Variants in INSYN2B observed in about 807,000 individuals in gnomAD.
INSYN2B encodes the protein protein INSYN2B.
Under a neutral mutation model 41.2 loss-of-function variants are expected in INSYN2B, and 16 were observed. The observed-to-expected ratio is 0.39, with a 90% CI of 0.26 to 0.59. The LOEUF (loss-of-function observed/expected upper bound fraction) is 0.59, where lower values mean the gene tolerates loss of function less well. INSYN2B is among the 20% of genes least tolerant of loss of function. The pLI, the probability that INSYN2B is intolerant of heterozygous loss-of-function variation, is 0.57. For synonymous variants in INSYN2B, 245 were observed against 244.4 expected (o/e 1.00, Z -0.02); for missense variants, 608 against 646.4 (o/e 0.94, Z 0.64).
chr5:169,903,791 G>A (rs991782027), intron 1 of INSYN2B, among the ~76,000 whole-genome samples: 3 of 152,092 alleles, frequency 2.0e-5, no homozygotes, highest in Non-Finnish European at 2.9e-5. Context: ...AGCAGTGGAA[G>A]CCTCCAGTGG....
intron 1 of INSYN2B, among the ~76,000 whole-genome samples, chr5:169,957,128 G>A (rs529634030): frequency 6.6e-6 from 1 of 152,228 alleles, no homozygotes; most frequent in East Asian, 1.9e-4. Context: ...AGTGCCATGA[G>A]GGCAGGGACT....
At chr5:169,900,011 A>C (rs774368229) in intron 1 of INSYN2B, among the ~76,000 whole-genome samples, 1 of 152,146 alleles carries the variant, frequency 6.6e-6, no homozygotes, top group African/African-American at 2.4e-5. Context: ...GGTCTCCAGC[A>C]CTCGAAACCA....
intron 1 of INSYN2B, among the ~76,000 whole-genome samples, chr5:169,926,224 C>A (rs1023443154): frequency 2.0e-5 from 3 of 152,114 alleles, no homozygotes; most frequent in African/African-American, 4.8e-5. Context: ...ACTTGGGGAC[C>A]ACGGGGAAGC....
chr5:169,871,891 G>C (rs748093116), intron 3 of INSYN2B, among the ~76,000 whole-genome samples: 1 of 152,156 alleles, frequency 6.6e-6, no homozygotes, highest in Non-Finnish European at 1.5e-5. Context: ...CCCAAAAAAG[G>C]TGCTCTCCTT....
intron 3 of INSYN2B, among the ~76,000 whole-genome samples, chr5:169,868,477 G>A (rs1771734970): frequency 6.6e-6 from 1 of 152,164 alleles, no homozygotes; most frequent in Non-Finnish European, 1.5e-5. Context: ...AATAAAAATA[G>A]GCTGGGCGCA....
At chr5:169,964,378 G>A (rs145597805) in intron 1 of INSYN2B, among the ~76,000 whole-genome samples, 4,065 of 152,250 alleles carry the variant, frequency 0.027, 181 homozygotes, top group African/African-American at 0.092. Context: ...CTGTCATTGG[G>A]AAGACTGGCA....
At chr5:169,865,232 A>G (rs1007370265) in intron 3 of INSYN2B, among the ~76,000 whole-genome samples, 2 of 152,220 alleles carry the variant, frequency 1.3e-5, no homozygotes, top group East Asian at 1.9e-4. Flanking sequence ...TGTCATTAAC[A>G]TACGGACTGC....
Position 169,884,652 on chromosome 5 carries a change from G to A in INSYN2B, c.-754C>T, listed in dbSNP as rs1158070863. The A allele has an allele frequency of 1.3e-5, 2 of 152,302 alleles. No individual in the cohort carries two copies. Among genetic ancestry groups the A allele is most frequent in the Non-Finnish European group, 2.9e-5 (2 of 68,054 alleles). 9.4% of individuals were successfully genotyped at this position (152,302 alleles called of 1,614,324 possible). On this transcript the variant is annotated 5_prime_UTR_variant, in exon 2 of 4. Coordinates refer to ENST00000377365, the MANE Select transcript of INSYN2B (RefSeq NM_001129891.3). ...CCAGGACAGGATTGAGGAATCACAG[G>A]GGATTCAGTGGGCAGAGTCCCTGTT...
At chr5:169,920,178 C>G (rs1397755615) in intron 1 of INSYN2B, among the ~76,000 whole-genome samples, 1 of 152,108 alleles carries the variant, frequency 6.6e-6, no homozygotes, top group African/African-American at 2.4e-5. Flanking sequence ...AGGTTCAAAC[C>G]CAGGCAGTCC....
intron 1 of INSYN2B, among the ~76,000 whole-genome samples, chr5:169,973,190 C>A (rs74891927): frequency 0.018 from 2,773 of 152,286 alleles, 83 homozygotes; most frequent in African/African-American, 0.061. Flanking sequence ...ATTTATCTGC[C>A]TGCCCCCTCC....
chr5:169,978,702 G>A (rs919426182), intron 1 of INSYN2B, among the ~76,000 whole-genome samples: 2 of 151,930 alleles, frequency 1.3e-5, no homozygotes, highest in East Asian at 1.9e-4. Context: ...CCTACGTCCC[G>A]AAGGGCTGAA....
intron 1 of INSYN2B, among the ~76,000 whole-genome samples, chr5:169,903,116 G>A (rs1016639840): frequency 4.0e-5 from 6 of 151,462 alleles, no homozygotes; most frequent in East Asian, 3.9e-4. Flanking sequence ...AGAAAGAAAG[G>A]GGTGAATTTC....
intron 1 of INSYN2B, among the ~76,000 whole-genome samples, chr5:169,963,030 G>A (rs1347540924): frequency 6.6e-6 from 1 of 152,138 alleles, no homozygotes. Context: ...CTTAAGTGGG[G>A]CTTTGGGACT....
chr5:169,882,731 G>A lies in INSYN2B; in HGVS notation c.1168C>T (p.Leu390Phe), dbSNP rs867052187. 1 of 1,551,992 alleles carries A rather than the reference G, an allele frequency of 6.4e-7. No individual in the cohort carries two copies. Among genetic ancestry groups the A allele is most frequent in the Middle Eastern group, 1.7e-4 (1 of 5,994 alleles). ...TCACTAATCTCCCTGTTGCTCTGAAGTTTGGTCTCACTCCTTGAAAGAGAG... is the reference window on the plus strand; with the variant it reads ...TCACTAATCTCCCTGTTGCTCTGAAATTTGGTCTCACTCCTTGAAAGAGAG... ...PSSLSRSETK[L>F]QSNREISDIN... is the part of the protein sequence containing the mutation. Residue 390 changes from leucine (L) to phenylalanine (F), a missense_variant, in exon 2 of 4, where the codon CTT becomes TTT. Transcript: ENST00000377365.
chr5:169,942,774 T>C (rs1776292701), intron 1 of INSYN2B, among the ~76,000 whole-genome samples: 1 of 152,294 alleles, frequency 6.6e-6, no homozygotes, highest in Non-Finnish European at 1.5e-5. Context: ...CCAACTAGCC[T>C]GCTCAAAGGT....
Position 169,864,426 on chromosome 5 carries a change from C to T in INSYN2B, c.1455G>A (p.Arg485=), listed in dbSNP as rs1233221392. The T allele has an allele frequency of 1.3e-6, 2 of 1,547,358 alleles. No individual in the cohort carries two copies. Among genetic ancestry groups the T allele is most frequent in the Non-Finnish European group, 1.7e-6 (2 of 1,145,260 alleles). Residue 485 remains arginine (R), a synonymous_variant, in exon 4 of 4, where the codon AGG becomes AGA. Transcript: ENST00000377365. ...CCAGACTCTGCAAAACTTCATGGAA[C>T]CTGCCTTCCTGCTGCCGAAAATCAT... ...VEYDFRQQEG[R]FHEVLQSLEE... is the part of the protein sequence containing the mutation.
intron 1 of INSYN2B, among the ~76,000 whole-genome samples, chr5:169,963,794 T>TGG (rs547602818): frequency 1.5e-4 from 23 of 152,272 alleles, no homozygotes; most frequent in Non-Finnish European, 2.8e-4. Flanking sequence ...TCTAAGGCCC[T>TGG]GGCTCTTATC....
At chr5:169,915,557 AAC>A (rs56728646) in intron 1 of INSYN2B, among the ~76,000 whole-genome samples, 6,776 of 143,298 alleles carry the variant, frequency 0.047, 220 homozygotes, top group African/African-American at 0.082. Flanking sequence ...ATTGACAGGG[AAC>A]ACACACACAC....
intron 1 of INSYN2B, among the ~76,000 whole-genome samples, chr5:169,911,809 A>G (rs2113621497): frequency 6.6e-6 from 1 of 152,328 alleles, no homozygotes. Flanking sequence ...AGCAAGTTCC[A>G]CGGAAAGCCT....
Sources: gnomAD v4.1 joint callset for allele counts (sites outside exome capture counted in the v4.1 genomes callset) on GRCh38, gnomAD v4.1.1 for gene constraint, MANE v1.5 for transcripts, NCBI Gene and HGNC (gene_info 2026-07-23, HGNC 2026-07-21) for gene names.